KCNJ6: variants seen among roughly 807,000 people sequenced by gnomAD.
The protein encoded by KCNJ6 is potassium inwardly rectifying channel subfamily J member 6.
Under a neutral mutation model 34.2 loss-of-function variants are expected in KCNJ6, and 9 were observed. The ratio of observed to expected loss-of-function variants is 0.26; its 90% CI spans 0.16 to 0.46. The LOEUF is 0.46. KCNJ6 is among the 20% of genes least tolerant of loss of function. KCNJ6 has a pLI of 1.00. For synonymous variants in KCNJ6, 196 were observed against 207.1 expected (o/e 0.95, Z 0.46); for missense variants, 236 against 531.3 (o/e 0.44, Z 5.46).
intron 1 of KCNJ6, among the ~76,000 whole-genome samples, chr21:37,878,194 A>G (rs916724781): frequency 6.6e-6 from 1 of 152,212 alleles, no homozygotes; most frequent in Non-Finnish European, 1.5e-5. Context: ...ATCTTCAAGC[A>G]TAATTGAATT....
intron 3 of KCNJ6, among the ~76,000 whole-genome samples, chr21:37,658,162 C>T (rs1372856659): frequency 2.0e-5 from 3 of 152,186 alleles, no homozygotes; most frequent in African/African-American, 7.2e-5. Flanking sequence ...TCACAGTGGT[C>T]ACGACTCAGA....
chr21:37,863,080 T>C (rs1257934671), intron 1 of KCNJ6, among the ~76,000 whole-genome samples: 5 of 152,252 alleles, frequency 3.3e-5, no homozygotes, highest in South Asian at 2.1e-4. Flanking sequence ...TGAAGATCAA[T>C]GTAGTAAAAC....
At chr21:37,703,323 G>C (rs2054701418) in intron 3 of KCNJ6, among the ~76,000 whole-genome samples, 1 of 151,934 alleles carries the variant, frequency 6.6e-6, no homozygotes. Flanking sequence ...GAAAGAGGGA[G>C]AGGCCCAGGT....
At chr21:37,858,270 G>A (rs2055575123) in intron 1 of KCNJ6, among the ~76,000 whole-genome samples, 1 of 151,346 alleles carries the variant, frequency 6.6e-6, no homozygotes, top group Admixed American at 6.6e-5. Flanking sequence ...GCGGGCGCCT[G>A]TAGTCCCAGC....
intron 2 of KCNJ6, among the ~76,000 whole-genome samples, chr21:37,824,740 A>G (rs1320346815): frequency 1.3e-5 from 2 of 152,182 alleles, no homozygotes. Context: ...GCCTTCTGCC[A>G]TAATTGTAAG....
intron 3 of KCNJ6, among the ~76,000 whole-genome samples, chr21:37,650,877 T>C (rs1315174193): frequency 1.3e-5 from 2 of 152,240 alleles, no homozygotes; most frequent in African/African-American, 4.8e-5. Flanking sequence ...ATCTCTTGTA[T>C]ACCATAAGCT....
At position 37,679,637 on chromosome 21, in the gene KCNJ6, T is replaced by A. The variant is rs574782475; in HGVS notation, c.946+34574A>T. On this transcript the variant is annotated intron_variant, in intron 3 of 3. Coordinates refer to ENST00000609713, the MANE Select transcript of KCNJ6 (RefSeq NM_002240.5). Reference sequence around the variant, plus strand: ...AAGGAAAGGTGGAAATCAACACTAGTCTTAACCATTTGTCATGTACTGTCA... The same window carrying A: ...AAGGAAAGGTGGAAATCAACACTAGACTTAACCATTTGTCATGTACTGTCA... 3.9e-5 allele frequency among the ~76,000 whole-genome samples: 6 copies of A among 152,248 alleles called. No homozygotes were observed. The South Asian group carries it at 1.2e-3, about 32-fold the overall frequency.
At chr21:37,827,268 A>T (rs1260320129) in intron 2 of KCNJ6, among the ~76,000 whole-genome samples, 3 of 151,992 alleles carry the variant, frequency 2.0e-5, no homozygotes, top group Non-Finnish European at 4.4e-5. Flanking sequence ...GTCCAAGGGG[A>T]GTGTGTGGTA....
chr21:37,814,896 C>CA (rs3061049), intron 2 of KCNJ6, among the ~76,000 whole-genome samples: 2,763 of 68,844 alleles, frequency 0.04, 169 homozygotes, highest in African/African-American at 0.096. Context: ...GACTCTGTCT[C>CA]AAAAAAAAAA....
intron 3 of KCNJ6, among the ~76,000 whole-genome samples, chr21:37,704,128 T>A (rs753268386): frequency 7.9e-5 from 12 of 152,168 alleles, no homozygotes; most frequent in Non-Finnish European, 1.6e-4. Flanking sequence ...ATGCTGAACA[T>A]GCTGAGGTCC....
At chr21:37,914,008 G>GGCGTGGGTGT (rs760597650) in intron 1 of KCNJ6, among the ~76,000 whole-genome samples, 1 of 135,480 alleles carries the variant, frequency 7.4e-6, no homozygotes. Context: ...GGCGGATCGG[G>GGCGTGGGTGT]GTGTGTGTGT....
Position 37,652,472 on chromosome 21 carries a change from T to C in KCNJ6, c.947-26988A>G, listed in dbSNP as rs933058883. On this transcript the variant is annotated intron_variant, in intron 3 of 3. Coordinates refer to ENST00000609713, the MANE Select transcript of KCNJ6 (RefSeq NM_002240.5). ...AAGAGCCAAGGTTGATGGAGAATTG[T>C]GGAAGCGAAGGAGGGTTTTTGTTTT... Among the ~76,000 whole-genome samples, 5 of 152,192 alleles carry C rather than the reference T, an allele frequency of 3.3e-5. No homozygotes were observed. In the East Asian group the frequency reaches 9.6e-4, roughly 29 times the overall value.
At chr21:37,765,670 A>G (rs1178976236) in intron 2 of KCNJ6, among the ~76,000 whole-genome samples, 2 of 152,248 alleles carry the variant, frequency 1.3e-5, no homozygotes, top group Admixed American at 6.5e-5. Context: ...TACATTGTGC[A>G]TACTACAAAA....
intron 1 of KCNJ6, among the ~76,000 whole-genome samples, chr21:37,876,290 G>C (rs1172987625): frequency 6.6e-6 from 1 of 152,122 alleles, no homozygotes; most frequent in African/African-American, 2.4e-5. Context: ...TTTTACAGAT[G>C]AGCTAACTGA....
intron 2 of KCNJ6, among the ~76,000 whole-genome samples, chr21:37,815,086 TAG>T (rs1190222216): frequency 1.3e-5 from 2 of 151,778 alleles, no homozygotes; most frequent in East Asian, 3.9e-4. Flanking sequence ...CTCATGGAGA[TAG>T]AGAGTAGGAT....
chr21:37,684,270 T>C (rs1432794254), intron 3 of KCNJ6, among the ~76,000 whole-genome samples: 2 of 152,128 alleles, frequency 1.3e-5, no homozygotes, highest in Admixed American at 6.6e-5. Flanking sequence ...TTGGCTCTTG[T>C]TGCATCACCC....
intron 2 of KCNJ6, among the ~76,000 whole-genome samples, chr21:37,753,425 C>T (rs1316920906): frequency 3.3e-5 from 5 of 152,142 alleles, no homozygotes; most frequent in Admixed American, 6.5e-5. Flanking sequence ...TTCAACCAGG[C>T]GTAAATTGCA....
intron 2 of KCNJ6, among the ~76,000 whole-genome samples, chr21:37,730,941 G>A (rs752438383): frequency 7.9e-5 from 12 of 152,318 alleles, no homozygotes; most frequent in African/African-American, 2.6e-4. Context: ...GTATTGACCC[G>A]TCTTACAGAT....
chr21:37,708,609 G>C (rs910833499), intron 3 of KCNJ6, among the ~76,000 whole-genome samples: 1 of 194 alleles, frequency 5.2e-3, no homozygotes, highest in Non-Finnish European at 0.014. Context: ...ACTCCTTATA[G>C]AGATTCCTCC....
Sources: gnomAD v4.1 joint callset for allele counts (sites outside exome capture counted in the v4.1 genomes callset) on GRCh38, gnomAD v4.1.1 for gene constraint, MANE v1.5 for transcripts, NCBI Gene and HGNC (gene_info 2026-07-23, HGNC 2026-07-21) for gene names.